The following FRMD3 variants were observed in gnomAD, a reference collection of about 807,000 sequenced individuals.
The protein encoded by FRMD3 is FERM domain containing 3.
A neutral mutation model predicts 70.2 loss-of-function variants in FRMD3; 33 were observed. The ratio of observed to expected loss-of-function variants is 0.47; its 90% confidence interval spans 0.36 to 0.63. FRMD3 has a LOEUF of 0.63. Among genes scored for constraint, FRMD3 ranks in the 20% least tolerant of loss-of-function variants. FRMD3 has a pLI of 0.00. For synonymous variants in FRMD3, 279 were observed against 255.9 expected (o/e 1.09, Z -0.86); for missense variants, 632 against 711.4 (o/e 0.89, Z 1.27).
chr9:83,320,093 C>T (rs1018153474), intron 6 of FRMD3, among the ~76,000 whole-genome samples: 2 of 152,068 alleles, frequency 1.3e-5, no homozygotes, highest in African/African-American at 4.8e-5. Flanking sequence ...GAAACCATAC[C>T]ATCAGCAAAC....
intron 1 of FRMD3, among the ~76,000 whole-genome samples, chr9:83,488,532 A>G (rs952803251): frequency 5.9e-5 from 9 of 152,242 alleles, no homozygotes; most frequent in South Asian, 2.1e-4. Context: ...CAGAATGCCT[A>G]CAATATAGAA....
intron 1 of FRMD3, among the ~76,000 whole-genome samples, chr9:83,447,431 C>T (rs932490088): frequency 1.3e-5 from 2 of 152,230 alleles, no homozygotes; most frequent in Admixed American, 6.5e-5. Context: ...CTAGCCAGCA[C>T]CAACCAGAGA....
At chr9:83,540,021 T>C (rs933252270), upstream of FRMD3, among the ~76,000 whole-genome samples, 1 of 152,178 alleles carries the variant, frequency 6.6e-6, no homozygotes, top group African/African-American at 2.4e-5. Flanking sequence ...CTGGGGATCT[T>C]TGAAAAGTCT....
chr9:83,529,514 G>A (rs968128418), intron 1 of FRMD3, among the ~76,000 whole-genome samples: 1 of 152,112 alleles, frequency 6.6e-6, no homozygotes, highest in African/African-American at 2.4e-5. Flanking sequence ...TTTAAAAATG[G>A]ATCAAAGTCC....
At chr9:83,577,502 A>G in the FRMD3 span, among the ~76,000 whole-genome samples, 1 of 152,050 alleles carries the variant, frequency 6.6e-6, no homozygotes, top group African/African-American at 2.4e-5. Context: ...CTGGATATCT[A>G]TCTACACAAA....
intron 1 of FRMD3, among the ~76,000 whole-genome samples, chr9:83,496,616 C>T (rs1345856053): frequency 6.7e-6 from 1 of 148,498 alleles, no homozygotes; most frequent in Non-Finnish European, 1.5e-5. Flanking sequence ...ACAGAAAGTA[C>T]ATCCATGTAA....
intron 1 of FRMD3, among the ~76,000 whole-genome samples, chr9:83,508,210 C>A (rs1374623544): frequency 6.6e-6 from 1 of 152,162 alleles, no homozygotes; most frequent in Non-Finnish European, 1.5e-5. Context: ...TGAAGTTCAA[C>A]AACAGGAAGC....
intron 1 of FRMD3, among the ~76,000 whole-genome samples, chr9:83,517,494 CAAAAAAAA>C (rs59178344): frequency 9.2e-5 from 6 of 65,524 alleles, no homozygotes; most frequent in Admixed American, 2.1e-4. Context: ...CCTACCAATC[CAAAAAAAA>C]AAAAAAAAAA....
intron 1 of FRMD3, among the ~76,000 whole-genome samples, chr9:83,530,878 C>T (rs1290601576): frequency 1.3e-5 from 2 of 152,012 alleles, no homozygotes; most frequent in Non-Finnish European, 2.9e-5. Flanking sequence ...TTTGCTCTTC[C>T]CCAGGCAGAA....
At chr9:83,347,237 T>G (rs945624234) in intron 4 of FRMD3, among the ~76,000 whole-genome samples, 1 of 152,232 alleles carries the variant, frequency 6.6e-6, no homozygotes, top group Non-Finnish European at 1.5e-5. Context: ...AATCAAGAAT[T>G]ACTGTGGATT....
At chr9:83,375,504 C>T (rs1265044585) in intron 2 of FRMD3, among the ~76,000 whole-genome samples, 1 of 152,156 alleles carries the variant, frequency 6.6e-6, no homozygotes, top group Non-Finnish European at 1.5e-5. Flanking sequence ...GGTATGCAGT[C>T]CTAGGAAAAA....
chr9:83,469,159 C>T (rs1347546889), intron 1 of FRMD3, among the ~76,000 whole-genome samples: 1 of 152,248 alleles, frequency 6.6e-6, no homozygotes, highest in Non-Finnish European at 1.5e-5. Flanking sequence ...GGGATGAAGA[C>T]TTACACTGGC....
chr9:83,431,103 T>C (rs1315490143), intron 1 of FRMD3, among the ~76,000 whole-genome samples: 5 of 152,246 alleles, frequency 3.3e-5, no homozygotes, highest in Non-Finnish European at 7.3e-5. Context: ...TGGCCCTTTA[T>C]TGAACTCATG....
the FRMD3 span, among the ~76,000 whole-genome samples, chr9:83,577,924 A>ACT: frequency 6.6e-6 from 1 of 151,918 alleles, no homozygotes; most frequent in East Asian, 1.9e-4. Context: ...AAATTGACAA[A>ACT]CTCTTAGGCT....
At chr9:83,293,892 C>T (rs545209274) in intron 12 of FRMD3, among the ~76,000 whole-genome samples, 7 of 152,272 alleles carry the variant, frequency 4.6e-5, no homozygotes, top group African/African-American at 1.7e-4. Context: ...CTCAGATAAA[C>T]CCAAAGGTGG....
At chr9:83,266,111 A>C (rs1168862152) in intron 13 of FRMD3, among the ~76,000 whole-genome samples, 3 of 152,184 alleles carry the variant, frequency 2.0e-5, no homozygotes, top group Non-Finnish European at 4.4e-5. Flanking sequence ...ATTCTGCAAT[A>C]ATATATCTTG....
chr9:83,372,105 G>C (rs1469363435), intron 3 of FRMD3, among the ~76,000 whole-genome samples: 2 of 152,178 alleles, frequency 1.3e-5, no homozygotes, highest in African/African-American at 4.8e-5. Flanking sequence ...AGAGCCCTGG[G>C]AAAGTGGACG....
intron 13 of FRMD3, among the ~76,000 whole-genome samples, chr9:83,252,797 C>A (rs1270760090): frequency 1.3e-5 from 2 of 152,046 alleles, no homozygotes; most frequent in African/African-American, 2.4e-5. Flanking sequence ...TGATAGAGTT[C>A]AACAGGAAGA....
intron 1 of FRMD3, among the ~76,000 whole-genome samples, chr9:83,476,124 C>T (rs1353411413): frequency 1.3e-5 from 2 of 152,178 alleles, no homozygotes; most frequent in Admixed American, 6.5e-5. Flanking sequence ...TGGCTCACAC[C>T]TGTAATCCCA....
Sources: gnomAD v4.1 joint callset for allele counts (sites outside exome capture counted in the v4.1 genomes callset) on GRCh38, gnomAD v4.1.1 for gene constraint, MANE v1.5 for transcripts, NCBI Gene and HGNC (gene_info 2026-07-23, HGNC 2026-07-21) for gene names.